CAP2: variants seen among roughly 807,000 people sequenced by gnomAD.
CAP2 encodes the protein cyclase associated actin cytoskeleton regulatory protein 2.
In CAP2, 24 loss-of-function variants were observed where a neutral mutation model predicts 57.7. The observed-to-expected ratio is 0.42, with a 90% CI of 0.30 to 0.58. The LOEUF (loss-of-function observed/expected upper bound fraction) is 0.58, where lower values mean the gene tolerates loss of function less well. Ranked by LOEUF, CAP2 falls within the 20% of genes least tolerant of loss-of-function variation. CAP2 has a pLI of 0.22. For synonymous variants in CAP2, 194 were observed against 207.2 expected, an observed-to-expected ratio of 0.94 and a Z score of 0.55; for missense variants, 501 against 590.3, an observed-to-expected ratio of 0.85 and a Z score of 1.57.
intron 11 of CAP2, 90 bp from the exon 12 acceptor site, chr6:17,551,374 A>G (rs1015939947): frequency 1.8e-6 from 2 of 1,123,630 alleles, no homozygotes; most frequent in Non-Finnish European, 2.5e-6. Flanking sequence ...AGCCCAAGCT[A>G]AAGCCAAGAG....
At chr6:17,529,651 A>AAAAAAATATATATATATATAT (rs10656588) in intron 7 of CAP2, among the ~76,000 whole-genome samples, 4 of 134,536 alleles carry the variant, frequency 3.0e-5, no homozygotes, top group African/African-American at 8.8e-5. Context: ...AAAAAAAAAA[A>AAAAAAATATATATATATATAT]ATATATATAT....
At chr6:17,529,902 T>C (rs981500019) in intron 7 of CAP2, among the ~76,000 whole-genome samples, 20 of 151,644 alleles carry the variant, frequency 1.3e-4, no homozygotes, top group African/African-American at 4.6e-4. Context: ...AAATATTCAG[T>C]TGTCACTTTG....
rs113471570 is a variant in CAP2, at chr6:17,551,999, T to C, written c.1350+395T>C. 3.5e-4 allele frequency among the ~76,000 whole-genome samples: 53 copies of C among 152,306 alleles called. 1 individual carries two copies. The highest frequency in any genetic ancestry group is 1.2e-3 in the African/African-American group (50 of 41,580). The stretch of plus-strand genomic sequence containing the variant: ...AAAAGACAGTAAGTAGGGCTATTTG[T>C]GCAGCTATGCTTAAGTGAGAGGTTA... On this transcript the variant is annotated intron_variant, in intron 12 of 12. Coordinates refer to ENST00000229922, the MANE Select transcript of CAP2 (RefSeq NM_006366.3).
chr6:17,406,401 T>TC lies in CAP2; in HGVS notation c.-2+12655_-2+12656insC, dbSNP rs1379590515. On this transcript the variant is annotated intron_variant, in intron 1 of 12. Transcript: ENST00000229922. ...TTCTGTCAGTAAGCCCAGATTTCTT[T>TC]TTTTTTTTTTTTGAGGCAGTCTCAC... Among the ~76,000 whole-genome samples the TC allele has an allele frequency of 8.4e-4, 117 of 139,018 alleles. 6 individuals carry two copies. The highest frequency in any genetic ancestry group is 3.3e-3 in the African/African-American group (112 of 33,540). The allele number at this position is 139,018 out of a possible 152,430, so 91.2% of individuals were successfully genotyped here. A position where few individuals can be genotyped will look rare whatever the true frequency, so the allele number is the denominator to read the frequency against.
intron 12 of CAP2, among the ~76,000 whole-genome samples, chr6:17,552,241 A>C (rs1399158763): frequency 6.6e-6 from 1 of 152,232 alleles, no homozygotes; most frequent in Admixed American, 6.5e-5. Context: ...GCACTTTCTC[A>C]AAGAACCATA....
intron 7 of CAP2, among the ~76,000 whole-genome samples, chr6:17,528,544 G>A (rs1213243041): frequency 1.3e-5 from 2 of 152,086 alleles, no homozygotes; most frequent in Non-Finnish European, 2.9e-5. Context: ...TGGGAGGAGT[G>A]GAGAATCATG....
At chr6:17,514,637 C>T (rs896184755) in intron 7 of CAP2, among the ~76,000 whole-genome samples, 2 of 151,822 alleles carry the variant, frequency 1.3e-5, no homozygotes, top group Non-Finnish European at 2.9e-5. Flanking sequence ...GTAATCCCAG[C>T]TGCTTGGGAG....
intron 4 of CAP2, among the ~76,000 whole-genome samples, chr6:17,496,081 C>G (rs1761664587): frequency 6.8e-6 from 1 of 146,372 alleles, no homozygotes; most frequent in Non-Finnish European, 1.5e-5. Flanking sequence ...GTTAAATGCC[C>G]TTGAAAGCAT....
At chr6:17,435,964 G>A (rs1181460045) in intron 3 of CAP2, among the ~76,000 whole-genome samples, 1 of 152,092 alleles carries the variant, frequency 6.6e-6, no homozygotes, top group East Asian at 1.9e-4. Flanking sequence ...GGGATTCCAG[G>A]GTGTATCAGT....
intron 3 of CAP2, among the ~76,000 whole-genome samples, chr6:17,428,376 A>G (rs1759642592): frequency 6.6e-6 from 1 of 152,162 alleles, no homozygotes; most frequent in African/African-American, 2.4e-5. Context: ...GAAATGTATC[A>G]CTGGGTTCTT....
At chr6:17,438,616 T>A (rs1251706643) in intron 3 of CAP2, among the ~76,000 whole-genome samples, 1 of 145,966 alleles carries the variant, frequency 6.9e-6, no homozygotes. Flanking sequence ...TTTTTTTGTA[T>A]TTTTAGTAGA....
At chr6:17,413,348 G>A (rs996382321) in intron 1 of CAP2, among the ~76,000 whole-genome samples, 4 of 152,136 alleles carry the variant, frequency 2.6e-5, no homozygotes, top group African/African-American at 7.2e-5. Flanking sequence ...GCTGTTTGGC[G>A]AGAAGCTGGC....
At chr6:17,480,056 G>T (rs112958399) in intron 4 of CAP2, among the ~76,000 whole-genome samples, 3 of 151,936 alleles carry the variant, frequency 2.0e-5, no homozygotes, top group African/African-American at 7.3e-5. Flanking sequence ...CAAAGCTTCC[G>T]CTCCTCCAGC....
At chr6:17,527,061 A>G (rs1762530215) in intron 7 of CAP2, among the ~76,000 whole-genome samples, 2 of 152,142 alleles carry the variant, frequency 1.3e-5, no homozygotes, top group Non-Finnish European at 2.9e-5. Context: ...AATAAACAAA[A>G]TGCATATATA....
Position 17,556,515 on chromosome 6 carries a change from T to A in CAP2, c.*73T>A. On this transcript the variant is annotated 3_prime_UTR_variant, in exon 13 of 13. Coordinates refer to ENST00000229922, the MANE Select transcript of CAP2 (RefSeq NM_006366.3). ...AAACAAAAAAGCAGCAGTAAAGAGC[T>A]AGAAGTTGCAGTAGCCCCTACTGCT... 1 of 1,099,294 alleles carries A rather than the reference T, an allele frequency of 9.1e-7. No individual in the cohort carries two copies. The highest frequency in any genetic ancestry group is 1.7e-5 in the Admixed American group (1 of 58,560). 68.1% of individuals were successfully genotyped at this position (1,099,294 alleles called of 1,614,324 possible).
chr6:17,400,776 A>C (rs992638963), intron 1 of CAP2, among the ~76,000 whole-genome samples: 79 of 152,008 alleles, frequency 5.2e-4, no homozygotes, highest in African/African-American at 1.9e-3. Flanking sequence ...GAGGCAGGAG[A>C]ATGGCGTGAA....
chr6:17,412,488 A>T (rs1759163881), intron 1 of CAP2, among the ~76,000 whole-genome samples: 1 of 152,210 alleles, frequency 6.6e-6, no homozygotes, highest in Non-Finnish European at 1.5e-5. Context: ...GTTGTCAGTG[A>T]AGGGGCTGGA....
rs370952037 is a variant in CAP2, at chr6:17,552,387, C to A, written c.1350+783C>A. 6.8e-4 allele frequency among the ~76,000 whole-genome samples: 103 copies of A among 152,198 alleles called. 2 individuals carry two copies. The South Asian group carries it at 0.021, about 31-fold the overall frequency. On this transcript the variant is annotated intron_variant, in intron 12 of 12. Transcript: ENST00000229922. The stretch of plus-strand genomic sequence containing the variant: ...GAGAAGGCCAAGCATGGTGGCTTAC[C>A]CCTGTAATGCCAGCACTTTGGGAGG...
chr6:17,429,417 G>A (rs1306048446), intron 3 of CAP2, among the ~76,000 whole-genome samples: 1 of 151,880 alleles, frequency 6.6e-6, no homozygotes, highest in East Asian at 1.9e-4. Flanking sequence ...CTTTTTACAA[G>A]AGAATAATGA....
Sources: allele counts gnomAD v4.1 joint callset (sites outside exome capture counted in the v4.1 genomes callset), GRCh38; gene constraint gnomAD v4.1.1; transcripts MANE v1.5; gene names NCBI Gene and HGNC (gene_info 2026-07-23, HGNC 2026-07-21).